The following PPARGC1A variants were observed in gnomAD, a reference collection of about 807,000 sequenced individuals.
The protein encoded by PPARGC1A is peroxisome proliferator-activated receptor gamma coactivator 1-alpha.
Under a neutral mutation model 88.7 loss-of-function variants are expected in PPARGC1A, and 25 were observed. The ratio of observed to expected loss-of-function variants is 0.28; its 90% confidence interval spans 0.21 to 0.39. PPARGC1A has a LOEUF of 0.39. Ranked by LOEUF, PPARGC1A falls within the 10% of genes least tolerant of loss-of-function variation. PPARGC1A has a pLI of 1.00. For synonymous variants in PPARGC1A, 363 were observed against 355.6 expected, an observed-to-expected ratio of 1.02 and a Z score of -0.24; for missense variants, 880 against 968.7, an observed-to-expected ratio of 0.91 and a Z score of 1.22.
chr4:24,332,945 A>T, the PPARGC1A span, among the ~76,000 whole-genome samples: 8 of 152,216 alleles, frequency 5.3e-5, no homozygotes, highest in Non-Finnish European at 1.0e-4. Context: ...TAAATACTTT[A>T]AAAGTGTAAT....
At chr4:24,172,722 GAC>G in the PPARGC1A span, among the ~76,000 whole-genome samples, 8 of 152,338 alleles carry the variant, frequency 5.3e-5, no homozygotes, top group Admixed American at 2.6e-4. Context: ...CTCTCAGGCA[GAC>G]AGTTCATCCG....
chr4:23,912,328 C>G, the PPARGC1A span, among the ~76,000 whole-genome samples: 4 of 152,068 alleles, frequency 2.6e-5, no homozygotes, highest in Non-Finnish European at 5.9e-5. Flanking sequence ...CTTTCTGTGT[C>G]TCAGTTTCTT....
chr4:24,102,445 A>T, the PPARGC1A span, among the ~76,000 whole-genome samples: 1 of 152,184 alleles, frequency 6.6e-6, no homozygotes, highest in Non-Finnish European at 1.5e-5. Context: ...ATGAACAGAG[A>T]AATTTGGGGA....
At chr4:24,414,434 T>C in the PPARGC1A span, among the ~76,000 whole-genome samples, 4 of 152,160 alleles carry the variant, frequency 2.6e-5, no homozygotes, top group Admixed American at 6.5e-5. Context: ...GGATGAACTA[T>C]AATTAGAGTC....
chr4:24,346,105 C>T, the PPARGC1A span, among the ~76,000 whole-genome samples: 8 of 152,136 alleles, frequency 5.3e-5, no homozygotes, highest in African/African-American at 1.9e-4. Context: ...TATGTTAAAC[C>T]ATCCCTGCGT....
At chr4:24,251,818 C>G in the PPARGC1A span, among the ~76,000 whole-genome samples, 9 of 152,190 alleles carry the variant, frequency 5.9e-5, no homozygotes, top group African/African-American at 2.2e-4. Context: ...CACTAGGAAG[C>G]TCTCTCTTCC....
the PPARGC1A span, among the ~76,000 whole-genome samples, chr4:24,093,415 A>G: frequency 6.6e-6 from 1 of 152,216 alleles, no homozygotes; most frequent in African/African-American, 2.4e-5. Flanking sequence ...CCTTTTAGTA[A>G]TCACAAGACT....
intron 2 of PPARGC1A, among the ~76,000 whole-genome samples, chr4:23,863,056 A>C (rs1731522932): frequency 6.6e-6 from 1 of 152,120 alleles, no homozygotes; most frequent in African/African-American, 2.4e-5. Context: ...CAAATCACCC[A>C]AGGTTGAAAC....
chr4:23,856,885 G>A (rs1367550599), intron 2 of PPARGC1A, among the ~76,000 whole-genome samples: 1 of 151,720 alleles, frequency 6.6e-6, no homozygotes, highest in Non-Finnish European at 1.5e-5. Flanking sequence ...TGACCAGCAT[G>A]CTTGTGCAGT....
the PPARGC1A span, among the ~76,000 whole-genome samples, chr4:24,467,036 G>GAAAGAAAGAAAGAAAGAAAGAAAGAGAA: frequency 2.2e-4 from 25 of 115,724 alleles, no homozygotes; most frequent in Non-Finnish European, 3.8e-4. Flanking sequence ...GAAAGAGAAA[G>GAAAGAAAGAAAGAAAGAAAGAAAGAGAA]AGAGAGAGAG....
At chr4:24,399,047 A>T in the PPARGC1A span, among the ~76,000 whole-genome samples, 3 of 152,104 alleles carry the variant, frequency 2.0e-5, no homozygotes, top group Non-Finnish European at 4.4e-5. Context: ...GTATTTTAGG[A>T]TTTCAACTTC....
At chr4:24,363,279 A>G in the PPARGC1A span, among the ~76,000 whole-genome samples, 1 of 106,142 alleles carries the variant, frequency 9.4e-6, no homozygotes, top group African/African-American at 3.1e-5. Flanking sequence ...GATCAGGCTC[A>G]CTTATATGTC....
At chr4:24,123,250 C>A in the PPARGC1A span, among the ~76,000 whole-genome samples, 1 of 152,166 alleles carries the variant, frequency 6.6e-6, no homozygotes, top group African/African-American at 2.4e-5. Context: ...CCTCTGCCAC[C>A]AGGTAGTACC....
chr4:23,890,086 A>G (rs897984606), upstream of PPARGC1A: 54 of 1,440,262 alleles, frequency 3.7e-5, no homozygotes, highest in Non-Finnish European at 4.9e-5. Flanking sequence ...TACAGTCCCC[A>G]GTCACATGAC....
chr4:23,852,360 G>A (rs17885261), intron 2 of PPARGC1A, among the ~76,000 whole-genome samples: 82,467 of 151,916 alleles, frequency 0.54, 22,412 homozygotes, highest in African/African-American at 0.59. Context: ...ATCTAGAGAA[G>A]CTGGGATTTG....
At chr4:24,033,565 G>A in the PPARGC1A span, among the ~76,000 whole-genome samples, 4 of 152,146 alleles carry the variant, frequency 2.6e-5, no homozygotes, top group African/African-American at 9.7e-5. Context: ...TCAGGGTTTT[G>A]CTATTCCATT....
the PPARGC1A span, among the ~76,000 whole-genome samples, chr4:24,153,802 C>G: frequency 6.6e-6 from 1 of 152,136 alleles, no homozygotes; most frequent in Non-Finnish European, 1.5e-5. Flanking sequence ...ATTTCTATCA[C>G]TGCAAGTTGG....
chr4:24,088,416 G>A, the PPARGC1A span, among the ~76,000 whole-genome samples: 1 of 151,848 alleles, frequency 6.6e-6, no homozygotes, highest in African/African-American at 2.4e-5. Flanking sequence ...AAAGGAAGCA[G>A]AAGAAGAAGA....
chr4:24,061,734 T>A, the PPARGC1A span, among the ~76,000 whole-genome samples: 136,243 of 152,220 alleles, frequency 0.9, 61,022 homozygotes, highest in Admixed American at 0.94. Context: ...GTGGCTCTAA[T>A]TTGATGCTCA....
Sources: allele counts gnomAD v4.1 joint callset (sites outside exome capture counted in the v4.1 genomes callset), GRCh38; gene constraint gnomAD v4.1.1; transcripts MANE v1.5; gene names NCBI Gene and HGNC (gene_info 2026-07-23, HGNC 2026-07-21).